BAZ2B: variants seen among roughly 807,000 people sequenced by gnomAD.
The protein encoded by BAZ2B is bromodomain adjacent to zinc finger domain protein 2B.
BAZ2B carries 91 observed loss-of-function variants against 246.0 expected under a neutral mutation model. The observed-to-expected ratio is 0.37, with a 90% confidence interval of 0.31 to 0.44. The LOEUF is 0.44. Among genes scored for constraint, BAZ2B ranks in the 20% least tolerant of loss-of-function variants. The pLI, the probability that BAZ2B is intolerant of heterozygous loss-of-function variation, is 1.00. For missense variants in BAZ2B, 2,332 were observed against 2,533.7 expected (o/e 0.92, Z 1.71); for synonymous variants, 855 against 860.0 (o/e 0.99, Z 0.10).
chr2:159,649,841 G>C, the BAZ2B span, among the ~76,000 whole-genome samples: 1 of 152,094 alleles, frequency 6.6e-6, no homozygotes, highest in Non-Finnish European at 1.5e-5. Context: ...ATTTATAGTT[G>C]AATACAAGTG....
chr2:159,613,807 A>G (rs1171198147), intron 1 of BAZ2B, among the ~76,000 whole-genome samples: 2 of 152,142 alleles, frequency 1.3e-5, no homozygotes, highest in Non-Finnish European at 2.9e-5. Context: ...CCTACCTACA[A>G]TTCACATAAA....
intron 35 of BAZ2B, 138 bp from the exon 36 acceptor site, chr2:159,325,092 T>TTA (rs1259389789): frequency 4.1e-4 from 1 of 2,436 alleles, no homozygotes; most frequent in African/African-American, 8.3e-4. Flanking sequence ...TATATATATA[T>TTA]TATATATATA....
chr2:159,569,542 G>A (rs1192336070), intron 1 of BAZ2B, among the ~76,000 whole-genome samples: 3 of 152,066 alleles, frequency 2.0e-5, no homozygotes, highest in Non-Finnish European at 4.4e-5. Flanking sequence ...TTTTTTGAGA[G>A]TTGGTAGATT....
chr2:159,491,254 T>C (rs965256599), intron 2 of BAZ2B, among the ~76,000 whole-genome samples: 2 of 152,190 alleles, frequency 1.3e-5, no homozygotes, highest in Non-Finnish European at 2.9e-5. Flanking sequence ...AAATTGCTTA[T>C]AGATTTAAAA....
At chr2:159,438,222 A>T in intron 8 of BAZ2B, 81 bp downstream of exon 8, 1 of 1,273,358 alleles carries the variant, frequency 7.9e-7, no homozygotes, top group Non-Finnish European at 1.1e-6. Flanking sequence ...AATTTAACTT[A>T]AACTTGTGTA....
At chr2:159,401,226 A>G (rs1221537263) in intron 16 of BAZ2B, among the ~76,000 whole-genome samples, 1 of 152,244 alleles carries the variant, frequency 6.6e-6, no homozygotes, top group Admixed American at 6.5e-5. Context: ...ATTAAACTAT[A>G]TAGCCTGAAG....
At chr2:159,677,275 C>T in the BAZ2B span, among the ~76,000 whole-genome samples, 107 of 151,792 alleles carry the variant, frequency 7.0e-4, no homozygotes, top group African/African-American at 2.5e-3. Context: ...AAACAAAAAG[C>T]CTTGTCCTTT....
intron 2 of BAZ2B, among the ~76,000 whole-genome samples, chr2:159,524,871 T>C (rs1243048460): frequency 1.3e-5 from 2 of 152,116 alleles, no homozygotes; most frequent in Admixed American, 6.6e-5. Flanking sequence ...GCTAGTAATA[T>C]AGATGAATGG....
At chr2:159,462,103 T>A (rs2076478201) in intron 3 of BAZ2B, 1 of 258,784 alleles carries the variant, frequency 3.9e-6, no homozygotes, top group Non-Finnish European at 7.4e-6. Flanking sequence ...GAAACTTTTT[T>A]AAACAGTAAA....
the BAZ2B span, among the ~76,000 whole-genome samples, chr2:159,687,041 CAAA>C: frequency 9.1e-6 from 1 of 109,558 alleles, no homozygotes. Flanking sequence ...GACTCCATCT[CAAA>C]AAAAAAAAAA....
intron 25 of BAZ2B, among the ~76,000 whole-genome samples, chr2:159,380,504 T>G (rs1429417018): frequency 1.3e-5 from 2 of 152,198 alleles, no homozygotes; most frequent in Admixed American, 6.5e-5. Context: ...TTATTACATG[T>G]GTAGAAAAGA....
intron 2 of BAZ2B, among the ~76,000 whole-genome samples, chr2:159,549,028 C>G (rs548898426): frequency 4.6e-5 from 7 of 152,208 alleles, no homozygotes; most frequent in African/African-American, 1.7e-4. Flanking sequence ...GCCTGTAATC[C>G]CAGCACTTAT....
rs1270954972 is a variant in BAZ2B at position 159,524,141 on chromosome 2, C to A, written c.-3+31682G>T. Among the ~76,000 whole-genome samples the A allele has an allele frequency of 4.6e-5, 7 of 152,178 alleles. No homozygotes were observed. In the East Asian group the frequency reaches 9.6e-4, roughly 21 times the overall value. ...TGAAGAAGCCCAGTATGTGCTCACA[C>A]TGAGATTACAGGCTCACACCTGTAA... On this transcript the variant is annotated intron_variant, in intron 2 of 36. Coordinates refer to ENST00000392783, the MANE Select transcript of BAZ2B (RefSeq NM_013450.4).
chr2:159,332,325 T>A lies in BAZ2B; in HGVS notation c.5943+215A>T, dbSNP rs1406283471. On this transcript the variant is annotated intron_variant, in intron 34 of 36. Coordinates refer to ENST00000392783, the MANE Select transcript of BAZ2B (RefSeq NM_013450.4). Reference sequence around the variant, plus strand: ...AACATAGCAAGACCCTATCTCTCTCTCAAAAAAAAAAAAAATTAGCTGGGT... The same window carrying A: ...AACATAGCAAGACCCTATCTCTCTCACAAAAAAAAAAAAAATTAGCTGGGT... Among the ~76,000 whole-genome samples, 2 of 62,628 alleles carry A rather than the reference T, an allele frequency of 3.2e-5. No individual in the cohort carries two copies. Among genetic ancestry groups the A allele is most frequent in the Admixed American group, 2.1e-4 (1 of 4,764 alleles). The allele number at this position is 62,628 out of a possible 152,430, so 41.1% of individuals were successfully genotyped here.
At chr2:159,492,843 A>G (rs575973365) in intron 2 of BAZ2B, among the ~76,000 whole-genome samples, 4 of 152,196 alleles carry the variant, frequency 2.6e-5, no homozygotes, top group Non-Finnish European at 4.4e-5. Context: ...CAAACTCAGA[A>G]TTATAGTATT....
upstream of BAZ2B, among the ~76,000 whole-genome samples, chr2:159,618,596 T>C (rs984040027): frequency 2.6e-5 from 4 of 152,120 alleles, no homozygotes; most frequent in Admixed American, 2.0e-4. Context: ...ATAATGGTGG[T>C]CATTAAATAA....
chr2:159,549,102 G>A (rs1423581037), intron 2 of BAZ2B, among the ~76,000 whole-genome samples: 3 of 152,076 alleles, frequency 2.0e-5, no homozygotes, highest in Non-Finnish European at 2.9e-5. Context: ...GCAACATGGC[G>A]AAACCTCATC....
At chr2:159,629,591 G>A in the BAZ2B span, among the ~76,000 whole-genome samples, 28 of 151,828 alleles carry the variant, frequency 1.8e-4, no homozygotes, top group Non-Finnish European at 2.8e-4. Flanking sequence ...AGCAAACACC[G>A]CATGTTCTCA....
At chr2:159,315,920 A>G (rs186099991), downstream of BAZ2B, among the ~76,000 whole-genome samples, 451 of 152,320 alleles carry the variant, frequency 3.0e-3, no homozygotes, top group African/African-American at 9.9e-3. Context: ...AATACCTTAT[A>G]GCAATCAAAA....
Sources: allele counts gnomAD v4.1 joint callset (sites outside exome capture counted in the v4.1 genomes callset), GRCh38; gene constraint gnomAD v4.1.1; transcripts MANE v1.5; gene names NCBI Gene and HGNC (gene_info 2026-07-23, HGNC 2026-07-21).